Variants in MAN2A2 observed in about 807,000 individuals in gnomAD.
The protein encoded by MAN2A2 is mannosidase alpha class 2A member 2.
In MAN2A2, 79 loss-of-function variants were observed where a neutral mutation model predicts 126.8. That is an observed-to-expected ratio of 0.62 (90% confidence interval 0.52 to 0.75). MAN2A2 has a LOEUF of 0.75. Among genes scored for constraint, MAN2A2 ranks in the 30% least tolerant of loss-of-function variants. MAN2A2 has a pLI of 0.00. For synonymous variants in MAN2A2, 671 were observed against 618.7 expected (o/e 1.08, Z -1.25); for missense variants, 1,392 against 1,522.4 (o/e 0.91, Z 1.43).
Position 90,910,197 on chromosome 15 carries a change from C to T in MAN2A2, c.1482C>T (p.Phe494=). 1 of 1,614,216 alleles carries T rather than the reference C, an allele frequency of 6.2e-7. No homozygotes were observed. ...TTCCTGTGCTGAGCGGGGATTTCTT[C>T]TCCTATGCGGACCGGGAGGATCATT... ...PGFPVLSGDF[F]SYADREDHYW... is the part of the protein sequence containing the mutation. Residue 494 remains phenylalanine (F), a synonymous_variant, in exon 10 of 23, where the codon TTC becomes TTT. Transcript: ENST00000559717.
chr15:90,912,281 TAAAAGGCCAGGGTGGTGG>T lies in MAN2A2; in HGVS notation c.2346+3_2346+20del. 6.2e-7 allele frequency: 1 copy of T among 1,614,016 alleles called. No homozygotes were observed. Among genetic ancestry groups the T allele is most frequent in the Non-Finnish European group, 8.5e-7 (1 of 1,179,960 alleles). On this transcript the variant is annotated splice_donor_5th_base_variant and intron_variant, in intron 15 of 22. Coordinates refer to ENST00000559717, the MANE Select transcript of MAN2A2 (RefSeq NM_006122.4). ...TCAGGCCTTACTGGGCTCCTCAAGG[TAAAAGGCCAGGGTGGTGG>T]GGAAGGGCCAGGGGCCAGAGTAGGG... is the stretch of plus-strand genomic sequence containing the variant.
At chr15:90,908,073 G>T (rs1820838587) in intron 8 of MAN2A2, among the ~76,000 whole-genome samples, 1 of 152,216 alleles carries the variant, frequency 6.6e-6, no homozygotes, top group African/African-American at 2.4e-5. Flanking sequence ...ATTTCTCCCT[G>T]ATGTCCAAGA....
At chr15:90,911,681 G>C (rs1002831591) in intron 14 of MAN2A2, 131 bp downstream of exon 14, 1 of 1,047,336 alleles carries the variant, frequency 9.5e-7, no homozygotes, top group Admixed American at 2.8e-5. Flanking sequence ...AGTGTCCTGG[G>C]GAGGGGGTTG....
Position 90,910,491 on chromosome 15 carries a change from C to G in MAN2A2, c.1578-10C>G, listed in dbSNP as rs949134999. On this transcript the variant is annotated splice_polypyrimidine_tract_variant and intron_variant, in intron 10 of 22. Transcript: ENST00000559717. ...GTGCAGGCTGGCAGCTAACTTCTCT[C>G]TCTGGGCAGGGGGGCAGAGGTTCTG... is the stretch of plus-strand genomic sequence containing the variant. 2.5e-6 allele frequency: 4 copies of G among 1,613,280 alleles called. No individual in the cohort carries two copies. Among genetic ancestry groups the G allele is most frequent in the Non-Finnish European group, 3.4e-6 (4 of 1,179,804 alleles).
rs1460002366 is a variant in MAN2A2, at chr15:90,919,660, G to C, written c.3326G>C (p.Gly1109Ala). Residue 1109 changes from glycine (G) to alanine (A), a missense_variant, in exon 23 of 23, where the codon GGC becomes GCC. Physicochemically the swap from Gly to Ala is moderately conservative, Grantham distance 60. Coordinates refer to ENST00000559717, the MANE Select transcript of MAN2A2 (RefSeq NM_006122.4). ...GKVALGSLFH[G>A]LDVVFLQPTS... The stretch of plus-strand genomic sequence containing the variant: ...GTAGCCCTGGGCAGCCTTTTCCATG[G>C]CCTGGATGTGGTATTCCTTCAGCCA... The C allele has an allele frequency of 1.9e-6, 3 of 1,614,014 alleles. No homozygotes were observed. In the East Asian group the frequency reaches 6.7e-5, roughly 36 times the overall value.
In MAN2A2 at chr15:90,920,747, C is replaced by T. The variant is rs2035506564; in HGVS notation, c.*960C>T. 2 of 152,250 alleles carry T rather than the reference C, an allele frequency of 1.3e-5. No individual in the cohort carries two copies. Among genetic ancestry groups the T allele is most frequent in the African/African-American group, 4.8e-5 (2 of 41,450 alleles). 9.4% of individuals were successfully genotyped at this position (152,250 alleles called of 1,614,324 possible). A position where few individuals can be genotyped will look rare whatever the true frequency, so the allele number is the denominator to read the frequency against. ...CACGCCTAGCAGGCAGACCTTGAAG[C>T]CTCACCTTTAGTCTATCTGCAGAGG... is the stretch of plus-strand genomic sequence containing the variant. On this transcript the variant is annotated 3_prime_UTR_variant, in exon 23 of 23. Transcript: ENST00000559717.
At chr15:90,906,182 G>A (rs2034267279) in intron 5 of MAN2A2, among the ~76,000 whole-genome samples, 166 bp downstream of exon 5, 2 of 152,202 alleles carry the variant, frequency 1.3e-5, no homozygotes, top group Admixed American at 1.3e-4. Flanking sequence ...GATAGGTTCC[G>A]AGATAAGCGG....
At position 90,913,308 on chromosome 15, in the gene MAN2A2, G is replaced by A; in HGVS notation, c.2620G>A (p.Val874Met). ...GCTGTCTCTGGACATATCATCCCTG[G>A]TGGACATCCGGGACTACGTCAACAA... ...EGLSLDISSL[V>M]DIRDYVNKEL... The change falls in exon 18 of 23, where the codon GTG becomes ATG. Residue 874 changes from valine to methionine, a missense_variant. By Grantham distance (21) the Val-to-Met change is conservative. Coordinates refer to ENST00000559717, the MANE Select transcript of MAN2A2 (RefSeq NM_006122.4). The A allele has an allele frequency of 6.2e-7, 1 of 1,614,040 alleles. No homozygotes were observed. The highest frequency in any genetic ancestry group is 8.5e-7 in the Non-Finnish European group (1 of 1,179,954).
chr15:90,910,728 C>G, intron 11 of MAN2A2, 45 bp downstream of exon 11: 4 of 1,608,744 alleles, frequency 2.5e-6, no homozygotes, highest in Non-Finnish European at 3.4e-6. Flanking sequence ...TGCTCACTGT[C>G]CCAAAGAAAG....
intron 19 of MAN2A2, among the ~76,000 whole-genome samples, chr15:90,915,132 C>T (rs1320376665): frequency 6.6e-6 from 1 of 152,248 alleles, no homozygotes; most frequent in Non-Finnish European, 1.5e-5. Context: ...GTCATGACTC[C>T]TAACTGCAGC....
rs138188731 is a variant in MAN2A2, at chr15:90,912,119, C to T, written c.2186C>T (p.Thr729Met). The T allele has an allele frequency of 9.7e-5, 156 of 1,613,608 alleles. 1 individual carries two copies. Among genetic ancestry groups the T allele is most frequent in the Middle Eastern group, 1.6e-4 (1 of 6,084 alleles). The change falls in exon 15 of 23, where the codon ACG becomes ATG. Residue 729 changes from threonine (T) to methionine (M), a missense_variant. Physicochemically the swap from Thr to Met is moderately conservative, Grantham distance 81. Coordinates refer to ENST00000559717, the MANE Select transcript of MAN2A2 (RefSeq NM_006122.4). Reference sequence around the variant, plus strand: ...CAGCTGGGCCTGGATGGGCACCGCACGCTGCCCTCCTCTGTGCGCATCTAC... The same window carrying T: ...CAGCTGGGCCTGGATGGGCACCGCATGCTGCCCTCCTCTGTGCGCATCTAC... ...QLQLGLDGHR[T>M]LPSSVRIYLH...
In MAN2A2 at chr15:90,912,647, C is replaced by T. The variant is rs573760526; in HGVS notation, c.2452C>T (p.Pro818Ser). Residue 818 changes from proline (P) to serine (S), a missense_variant, in exon 16 of 23, where the codon CCC becomes TCC. Pro to Ser is a moderately conservative substitution (Grantham distance 74, BLOSUM62 -1). Transcript: ENST00000559717. The part of the protein sequence containing the change: ...KDKSGAYLFL[P>S]DGEAKPYVPK... ...CAAGAGTGGAGCCTACCTCTTCCTG[C>T]CCGATGGCGAGGCCAAGGTATCCTA... 6.2e-7 allele frequency: 1 copy of T among 1,614,124 alleles called. No homozygotes were observed. The highest frequency in any genetic ancestry group is 2.2e-5 in the East Asian group (1 of 44,878).
In MAN2A2 at chr15:90,915,969, A is replaced by G. The variant is rs1418646653; in HGVS notation, c.2861-154A>G. ...CGAGCCCCTCATCAGGTTCCCTCCCAGCCGTGGGAACCCGTGACCTCTCCT... is the reference window on the plus strand; with the variant it reads ...CGAGCCCCTCATCAGGTTCCCTCCCGGCCGTGGGAACCCGTGACCTCTCCT... On this transcript the variant is annotated intron_variant, in intron 19 of 22. Transcript: ENST00000559717. 6.8e-6 allele frequency: 5 copies of G among 733,596 alleles called. No homozygotes were observed. The East Asian group carries it at 8.4e-5, about 12-fold the overall frequency. The allele number at this position is 733,596 out of a possible 1,614,324, so 45.4% of individuals were successfully genotyped here. A position where few individuals can be genotyped will look rare whatever the true frequency, so the allele number is the denominator to read the frequency against.
rs750294206 is a variant in MAN2A2, at chr15:90,912,137, G to A, written c.2204G>A (p.Arg735His). The change falls in exon 15 of 23, where the codon CGC (arginine) becomes CAC (histidine). Residue 735 changes from arginine to histidine, a missense_variant. Transcript: ENST00000559717. Reference sequence around the variant, plus strand: ...CACCGCACGCTGCCCTCCTCTGTGCGCATCTACCTGCACGGCCGGCAGCTG... The same window carrying A: ...CACCGCACGCTGCCCTCCTCTGTGCACATCTACCTGCACGGCCGGCAGCTG... Reference protein sequence around the residue: ...DGHRTLPSSVRIYLHGRQLSV... With the variant: ...DGHRTLPSSVHIYLHGRQLSV... The A allele has an allele frequency of 1.6e-5, 26 of 1,613,660 alleles. No individual in the cohort carries two copies. In the East Asian group the frequency reaches 1.8e-4, roughly 11 times the overall value.
Position 90,911,393 on chromosome 15 carries a change from TC to T in MAN2A2, c.1954del (p.Leu652TyrfsTer262). ...CCACCTTCTACGCACAGGTTTGTGG[TC>T]CTATTCAACCCACTGGAACAGGAGC... ...IQLDSSPRFV[V>X]LFNPLEQERF... is the part of the protein sequence containing the mutation. On this transcript the variant is annotated frameshift_variant, in exon 14 of 23. Coordinates refer to ENST00000559717, the MANE Select transcript of MAN2A2 (RefSeq NM_006122.4). LOFTEE classifies it high-confidence loss of function. The T allele has an allele frequency of 6.2e-7, 1 of 1,614,180 alleles. No homozygotes were observed. Among genetic ancestry groups the T allele is most frequent in the Non-Finnish European group, 8.5e-7 (1 of 1,180,018 alleles).
At position 90,913,817 on chromosome 15, in the gene MAN2A2, C is replaced by T. The variant is rs991950691; in HGVS notation, c.2860+62C>T. 16 of 1,510,650 alleles carry T rather than the reference C, an allele frequency of 1.1e-5. No homozygotes were observed. The African/African-American group carries it at 2.0e-4, about 19-fold the overall frequency. The allele number at this position is 1,510,650 out of a possible 1,614,324, so 93.6% of individuals were successfully genotyped here. ...ACAAAAAGAAGCCCGTCCCCACCCT[C>T]AAGGGCTCCCCGCTCTGTTGGCCTC... On this transcript the variant is annotated intron_variant, in intron 19 of 22. Coordinates refer to ENST00000559717, the MANE Select transcript of MAN2A2 (RefSeq NM_006122.4).
chr15:90,917,248 C>T (rs1324808300), intron 20 of MAN2A2, among the ~76,000 whole-genome samples: 2 of 152,236 alleles, frequency 1.3e-5, no homozygotes, highest in African/African-American at 4.8e-5. Flanking sequence ...TCCATCCTTG[C>T]AGAATGCCCT....
At chr15:90,904,884 C>T (rs113444376) in intron 2 of MAN2A2, among the ~76,000 whole-genome samples, 3,840 of 152,264 alleles carry the variant, frequency 0.025, 166 homozygotes, top group African/African-American at 0.088. Context: ...TGTGGGCCAC[C>T]GCGCCCAGCC....
chr15:90,913,187 A>T, intron 17 of MAN2A2, 86 bp from the exon 18 acceptor site: 6 of 1,502,106 alleles, frequency 4.0e-6, no homozygotes, highest in Non-Finnish European at 5.4e-6. Context: ...GCCTCTCCCC[A>T]GCTCGGCTCT....
Sources: allele counts gnomAD v4.1 joint callset (sites outside exome capture counted in the v4.1 genomes callset), GRCh38; gene constraint gnomAD v4.1.1; transcripts MANE v1.5; gene names NCBI Gene and HGNC (gene_info 2026-07-23, HGNC 2026-07-21).